Variants in SNX25 observed in about 807,000 individuals in gnomAD.
SNX25 encodes the protein sorting nexin-25.
In SNX25, 62 loss-of-function variants were observed where a neutral mutation model predicts 113.7. The observed-to-expected ratio is 0.55, with a 90% CI of 0.44 to 0.67. The LOEUF (loss-of-function observed/expected upper bound fraction) is 0.67, where lower values mean the gene tolerates loss of function less well. SNX25 is among the 30% of genes least tolerant of loss of function. The pLI is 0.00. For missense variants in SNX25, 1,014 were observed against 1,161.0 expected (o/e 0.87, Z 1.84); for synonymous variants, 421 against 436.2 (o/e 0.97, Z 0.43).
At chr4:185,313,567 T>G (rs1185835235) in intron 7 of SNX25, among the ~76,000 whole-genome samples, 1 of 152,186 alleles carries the variant, frequency 6.6e-6, no homozygotes, top group Non-Finnish European at 1.5e-5. Flanking sequence ...GAAGAAATTA[T>G]AAGGAAAATT....
chr4:185,241,535 G>C (rs142519167), intron 1 of SNX25, among the ~76,000 whole-genome samples: 1,491 of 62,176 alleles, frequency 0.024, 308 homozygotes, highest in Middle Eastern at 0.062. Flanking sequence ...AGGAGGGAGA[G>C]GGAGAGGAGG....
chr4:185,212,491 G>GTGTGTTTCTGTTTT (rs546083196), intron 1 of SNX25, among the ~76,000 whole-genome samples: 1 of 104,944 alleles, frequency 9.5e-6, no homozygotes, highest in African/African-American at 3.7e-5. Context: ...GTGTGTGTGT[G>GTGTGTTTCTGTTTT]TTTTTTTTTT....
At chr4:185,321,014 C>A in intron 8 of SNX25, 150 bp downstream of exon 8, 1 of 598,792 alleles carries the variant, frequency 1.7e-6, no homozygotes. Context: ...CCCATAATGG[C>A]AAATAAAATT....
chr4:185,207,776 G>A (rs1481946765), upstream of SNX25: 2 of 152,086 alleles, frequency 1.3e-5, no homozygotes, highest in Non-Finnish European at 2.9e-5. Flanking sequence ...GGAGATAATG[G>A]TATCCATCGG....
intron 13 of SNX25, among the ~76,000 whole-genome samples, chr4:185,350,548 C>A (rs1403168782): frequency 1.3e-5 from 2 of 152,158 alleles, no homozygotes; most frequent in Non-Finnish European, 2.9e-5. Context: ...TGGGAACTTT[C>A]CAGTTTGAGG....
the SNX25 span, chr4:185,378,332 C>A: frequency 3.5e-6 from 5 of 1,444,674 alleles, no homozygotes; most frequent in African/African-American, 7.2e-5. Flanking sequence ...AGATAGAACA[C>A]CAACCACCAA....
chr4:185,272,754 A>G (rs531904314), intron 5 of SNX25, among the ~76,000 whole-genome samples: 21 of 152,334 alleles, frequency 1.4e-4, no homozygotes, highest in Non-Finnish European at 2.9e-4. Context: ...TGGTTGTACT[A>G]TTTGAGATAT....
Position 185,311,915 on chromosome 4 carries a change from T to A in SNX25, c.1344+1099T>A, listed in dbSNP as rs116020383. Among the ~76,000 whole-genome samples, 903 of 152,254 alleles carry A rather than the reference T, an allele frequency of 5.9e-3. 6 individuals are homozygous for A. The highest frequency in any genetic ancestry group is 0.021 in the African/African-American group (854 of 41,516). Reference sequence around the variant, plus strand: ...CAAGGAACTCTTGTTTTTATAATCCTCTAACCACAGGAAGTCTGTTGATGT... The same window carrying A: ...CAAGGAACTCTTGTTTTTATAATCCACTAACCACAGGAAGTCTGTTGATGT... On this transcript the variant is annotated intron_variant, in intron 7 of 18. Transcript: ENST00000652585.
downstream of SNX25, among the ~76,000 whole-genome samples, chr4:185,368,020 A>T (rs569525617): frequency 1.6e-4 from 25 of 152,224 alleles, no homozygotes; most frequent in Admixed American, 6.5e-4. Context: ...TCTACTAAAA[A>T]TACAAAAATT....
chr4:185,335,225 C>T (rs2095221158), intron 10 of SNX25, among the ~76,000 whole-genome samples: 1 of 151,642 alleles, frequency 6.6e-6, no homozygotes, highest in Non-Finnish European at 1.5e-5. Flanking sequence ...GAGGCTGAGA[C>T]ACGAGAATCA....
chr4:185,348,780 A>G (rs776997796), intron 13 of SNX25, among the ~76,000 whole-genome samples: 1 of 152,180 alleles, frequency 6.6e-6, no homozygotes, highest in Non-Finnish European at 1.5e-5. Context: ...ACTGTTAGCC[A>G]TAGTCACCCT....
chr4:185,254,859 T>G (rs1746181632), intron 2 of SNX25, among the ~76,000 whole-genome samples: 1 of 152,186 alleles, frequency 6.6e-6, no homozygotes, highest in Non-Finnish European at 1.5e-5. Context: ...AGAAAGATTT[T>G]TTTGCCTGGT....
intron 5 of SNX25, among the ~76,000 whole-genome samples, chr4:185,270,166 A>G (rs1748714565): frequency 6.6e-6 from 1 of 152,104 alleles, no homozygotes. Context: ...AGCCCGGGGA[A>G]CATGGCGAAA....
At chr4:185,240,354 C>T (rs1472599809) in intron 1 of SNX25, among the ~76,000 whole-genome samples, 2,555 of 151,246 alleles carry the variant, frequency 0.017, 41 homozygotes, top group African/African-American at 0.059. Context: ...CGGGCAGAGG[C>T]GCCTCTCACC....
At chr4:185,291,343 C>T (rs1396332404) in intron 6 of SNX25, among the ~76,000 whole-genome samples, 1 of 152,120 alleles carries the variant, frequency 6.6e-6, no homozygotes, top group African/African-American at 2.4e-5. Flanking sequence ...ACTTCGTATC[C>T]GTTAAACAAT....
intron 4 of SNX25, 87 bp downstream of exon 4, chr4:185,264,697 G>T: frequency 3.0e-6 from 4 of 1,345,454 alleles, no homozygotes; most frequent in Non-Finnish European, 3.1e-6. Context: ...TGAACATATG[G>T]GATTTGAAGT....
At chr4:185,293,402 A>C (rs547760648) in intron 6 of SNX25, among the ~76,000 whole-genome samples, 1 of 152,374 alleles carries the variant, frequency 6.6e-6, no homozygotes, top group East Asian at 1.9e-4. Flanking sequence ...ATGGGTAAAC[A>C]AAATGTGGTA....
intron 5 of SNX25, among the ~76,000 whole-genome samples, chr4:185,286,008 G>T (rs1751302877): frequency 6.6e-6 from 1 of 151,686 alleles, no homozygotes; most frequent in Non-Finnish European, 1.5e-5. Context: ...AAACTCCTGG[G>T]CTCAAGCAAT....
chr4:185,289,609 G>A (rs1055567806), intron 6 of SNX25, among the ~76,000 whole-genome samples: 2 of 152,328 alleles, frequency 1.3e-5, no homozygotes, highest in South Asian at 2.1e-4. Context: ...GAATGAGGAC[G>A]TCTTTAAATG....
Sources: gnomAD v4.1 joint callset for allele counts (sites outside exome capture counted in the v4.1 genomes callset) on GRCh38, gnomAD v4.1.1 for gene constraint, MANE v1.5 for transcripts, NCBI Gene and HGNC (gene_info 2026-07-23, HGNC 2026-07-21) for gene names.